The following ZC3H12D variants were observed in gnomAD, a reference collection of about 807,000 sequenced individuals.
The protein encoded by ZC3H12D is probable ribonuclease ZC3H12D.
ZC3H12D carries 11 observed loss-of-function variants against 24.2 expected under a neutral mutation model. The ratio of observed to expected loss-of-function variants is 0.46; its 90% confidence interval spans 0.29 to 0.75. The LOEUF is 0.75. ZC3H12D is among the 30% of genes least tolerant of loss of function. The pLI is 0.11. For missense variants in ZC3H12D, 740 were observed against 767.7 expected (o/e 0.96, Z 0.43); for synonymous variants, 333 against 341.8 (o/e 0.97, Z 0.28).
chr6:149,451,519 C>A (rs768499465), intron 5 of ZC3H12D, 40 bp from the exon 6 acceptor site: 7 of 1,506,742 alleles, frequency 4.6e-6, no homozygotes, highest in Non-Finnish European at 6.2e-6. Context: ...ACGTGAGGCC[C>A]GGGGGCGCGG....
rs1775982427 is a variant in ZC3H12D at position 149,456,562 on chromosome 6, G to C, written c.680+104C>G. On this transcript the variant is annotated intron_variant, in intron 4 of 5. Coordinates refer to ENST00000409806, the MANE Select transcript of ZC3H12D (RefSeq NM_207360.3). The surrounding 1 kb of genome is among the most constrained non-coding windows in gnomAD (Gnocchi z 4.3). ...CTCTGTCTGAGGGGCTGGGTGACCG[G>C]GTGACCCCAAGCTCCTCCACCTGGT... 6.0e-6 allele frequency: 6 copies of C among 996,312 alleles called. No individual in the cohort carries two copies. The South Asian group carries it at 9.3e-5, about 15-fold the overall frequency. The allele number at this position is 996,312 out of a possible 1,614,324, so 61.7% of individuals were successfully genotyped here.
At chr6:149,478,654 C>T (rs1776378448) in intron 1 of ZC3H12D, among the ~76,000 whole-genome samples, 1 of 152,108 alleles carries the variant, frequency 6.6e-6, no homozygotes, top group African/African-American at 2.4e-5. Context: ...ACAGGTATTT[C>T]CACATAGTTG....
intron 2 of ZC3H12D, among the ~76,000 whole-genome samples, chr6:149,470,212 TA>T (rs748899138): frequency 5.9e-5 from 9 of 151,918 alleles, no homozygotes; most frequent in Non-Finnish European, 1.3e-4. Flanking sequence ...TACAAAAAAT[TA>T]GCCAGGCATA....
chr6:149,452,752 G>T lies in ZC3H12D; in HGVS notation c.681-30C>A. The T allele has an allele frequency of 6.5e-7, 1 of 1,549,798 alleles. No individual in the cohort carries two copies. The highest frequency in any genetic ancestry group is 8.7e-7 in the Non-Finnish European group (1 of 1,147,038). ...AAAATAAGCACAGGGGCAACTGCAAGACCACCTGGGATTTGCCACCAGCAC... is the reference window on the plus strand; with the variant it reads ...AAAATAAGCACAGGGGCAACTGCAATACCACCTGGGATTTGCCACCAGCAC... On this transcript the variant is annotated intron_variant, in intron 4 of 5. Coordinates refer to ENST00000409806, the MANE Select transcript of ZC3H12D (RefSeq NM_207360.3). This position sits in a 1 kb window ranked among gnomAD's most constrained non-coding sequence, Gnocchi z 4.0.
At chr6:149,476,392 T>C (rs1019871684) in intron 1 of ZC3H12D, among the ~76,000 whole-genome samples, 2 of 152,056 alleles carry the variant, frequency 1.3e-5, no homozygotes, top group African/African-American at 2.4e-5. Flanking sequence ...TAATCTCAGC[T>C]ACTTGGGAGG....
chr6:149,456,623 G>GGGGGGAGGGCC lies in ZC3H12D; in HGVS notation c.680+42_680+43insGGCCCTCCCCC. The GGGGGGAGGGCC allele has an allele frequency of 5.4e-6, 4 of 744,562 alleles. No homozygotes were observed. Among genetic ancestry groups the GGGGGGAGGGCC allele is most frequent in the Non-Finnish European group, 8.8e-6 (4 of 456,086 alleles). The allele number at this position is 744,562 out of a possible 1,614,324, so 46.1% of individuals were successfully genotyped here. ...GCCACTGCCTCGACCCCGGCCCCCC[G>GGGGGGAGGGCC]CCCCGCCGCCCCCCAGGGTGTCAGG... On this transcript the variant is annotated intron_variant, in intron 4 of 5. Coordinates refer to ENST00000409806, the MANE Select transcript of ZC3H12D (RefSeq NM_207360.3). The surrounding 1 kb of genome is among the most constrained non-coding windows in gnomAD (Gnocchi z 4.3).
intron 1 of ZC3H12D, among the ~76,000 whole-genome samples, chr6:149,478,115 C>T (rs947385068): frequency 3.4e-5 from 5 of 148,054 alleles, no homozygotes; most frequent in African/African-American, 2.5e-5. Context: ...TGTGGTAAGC[C>T]GGGATCATGC....
chr6:149,479,196 C>T (rs1039294572), intron 1 of ZC3H12D, among the ~76,000 whole-genome samples: 5 of 152,062 alleles, frequency 3.3e-5, no homozygotes, highest in South Asian at 2.1e-4. Flanking sequence ...CCCATCTCTA[C>T]AAAAAATGTT....
intron 1 of ZC3H12D, among the ~76,000 whole-genome samples, chr6:149,480,433 A>C (rs1275213774): frequency 6.6e-6 from 1 of 152,242 alleles, no homozygotes; most frequent in African/African-American, 2.4e-5. Flanking sequence ...GTGGGAGTGA[A>C]ACACGGAGTA....
chr6:149,468,018 G>T (rs998113631), intron 2 of ZC3H12D, among the ~76,000 whole-genome samples: 1 of 152,260 alleles, frequency 6.6e-6, no homozygotes, highest in Non-Finnish European at 1.5e-5. Context: ...TTTTGTTCTT[G>T]TTGCCCAGAC....
Position 149,452,765 on chromosome 6 carries a change from T to C in ZC3H12D, c.681-43A>G. The C allele has an allele frequency of 6.6e-7, 1 of 1,525,344 alleles. No homozygotes were observed. The highest frequency in any genetic ancestry group is 8.9e-7 in the Non-Finnish European group (1 of 1,129,362). 94.5% of individuals were successfully genotyped at this position (1,525,344 alleles called of 1,614,324 possible). A position where few individuals can be genotyped will look rare whatever the true frequency, so the allele number is the denominator to read the frequency against. On this transcript the variant is annotated intron_variant, in intron 4 of 5. Coordinates refer to ENST00000409806, the MANE Select transcript of ZC3H12D (RefSeq NM_207360.3). This position sits in a 1 kb window ranked among gnomAD's most constrained non-coding sequence, Gnocchi z 4.0. ...GGGCAACTGCAAGACCACCTGGGAT[T>C]TGCCACCAGCACCTGTACAAAGGGA...
chr6:149,464,883 G>C (rs1370400414), intron 2 of ZC3H12D, among the ~76,000 whole-genome samples: 4 of 152,104 alleles, frequency 2.6e-5, no homozygotes, highest in Non-Finnish European at 5.9e-5. Context: ...TAAAGGGAGG[G>C]GCAAGGATAA....
In ZC3H12D at chr6:149,474,231, G is replaced by GA; in HGVS notation, c.305+7dup. On this transcript the variant is annotated splice_region_variant and intron_variant, in intron 2 of 5. Coordinates refer to ENST00000409806, the MANE Select transcript of ZC3H12D (RefSeq NM_207360.3). Reference sequence around the variant, plus strand: ...CCCAGCCCCAGCTACAGGATGAAGGGAAGCTACCTCATCGCCACGTTGCTG... The same window carrying GA: ...CCCAGCCCCAGCTACAGGATGAAGGGAAAGCTACCTCATCGCCACGTTGCTG... 2.0e-6 allele frequency: 3 copies of GA among 1,475,160 alleles called. No individual in the cohort carries two copies. Among genetic ancestry groups the GA allele is most frequent in the Non-Finnish European group, 2.7e-6 (3 of 1,103,870 alleles). The allele number at this position is 1,475,160 out of a possible 1,614,324, so 91.4% of individuals were successfully genotyped here.
At chr6:149,453,485 G>A (rs957724411) in intron 4 of ZC3H12D, among the ~76,000 whole-genome samples, 1 of 151,768 alleles carries the variant, frequency 6.6e-6, no homozygotes, top group Non-Finnish European at 1.5e-5. Flanking sequence ...AAAATTAGCT[G>A]GGCATGGTGG....
Position 149,473,204 on chromosome 6 carries a change from G to A in ZC3H12D, c.305+1035C>T, listed in dbSNP as rs1246748237. Among the ~76,000 whole-genome samples the A allele has an allele frequency of 5.3e-5, 8 of 151,570 alleles. No individual in the cohort carries two copies. The South Asian group carries it at 1.3e-3, about 24-fold the overall frequency. ...GACAGCCCCTGAGGCTGGACCATCT[G>A]GGCTGAACCATTGCAAACCTCGGTC... is the stretch of plus-strand genomic sequence containing the variant. On this transcript the variant is annotated intron_variant, in intron 2 of 5. Transcript: ENST00000409806.
At position 149,461,938 on chromosome 6, in the gene ZC3H12D, C is replaced by A; in HGVS notation, c.338G>T (p.Gly113Val). Residue 113 changes from glycine to valine, a missense_variant, in exon 3 of 6, where the codon GGA (glycine) becomes GTA (valine). Transcript: ENST00000409806. ...HGNKETFSCR[G>V]IKLAVDWFRD... ...GAACCAGTCAACAGCCAGCTTGATT[C>A]CCCGGCAAGAGAAGGTTTCTTTATT... 1.2e-6 allele frequency: 2 copies of A among 1,612,072 alleles called. 1 individual carries two copies. Among genetic ancestry groups the A allele is most frequent in the South Asian group, 2.2e-5 (2 of 90,358 alleles).
Position 149,450,771 on chromosome 6 carries a change from G to A in ZC3H12D, c.1496C>T (p.Ala499Val). Residue 499 changes from alanine to valine, a missense_variant, in exon 6 of 6, where the codon GCC (alanine) becomes GTC (valine). Transcript: ENST00000409806. ...FPRDQVDRVM[A>V]AFPELSDLAR... ...GAGGTCTGAGAGCTCCGGGAACGCG[G>A]CCATCACGCGGTCCACCTGGTCACG... is the stretch of plus-strand genomic sequence containing the variant. 6.5e-7 allele frequency: 1 copy of A among 1,549,208 alleles called. No homozygotes were observed. The highest frequency in any genetic ancestry group is 1.4e-5 in the African/African-American group (1 of 73,176).
rs1469847045 is a variant in ZC3H12D at position 149,449,815 on chromosome 6, A to G, written c.*868T>C. ...GCTCAGCTGGTACAGTAGAAAGCCT[A>G]TTCTGGAAACTGCCATGATGGATGG... is the stretch of plus-strand genomic sequence containing the variant. On this transcript the variant is annotated 3_prime_UTR_variant, in exon 6 of 6. Transcript: ENST00000409806. The G allele has an allele frequency of 6.6e-6, 1 of 152,242 alleles. No homozygotes were observed. Among genetic ancestry groups the G allele is most frequent in the Non-Finnish European group, 1.5e-5 (1 of 68,066 alleles). 9.4% of individuals were successfully genotyped at this position (152,242 alleles called of 1,614,324 possible). A position where few individuals can be genotyped will look rare whatever the true frequency, so the allele number is the denominator to read the frequency against.
At chr6:149,455,598 C>T (rs1016154473) in intron 4 of ZC3H12D, among the ~76,000 whole-genome samples, 1 of 152,160 alleles carries the variant, frequency 6.6e-6, no homozygotes, top group Non-Finnish European at 1.5e-5. Flanking sequence ...GCCCTGTGTC[C>T]CTCTCTGCCT....
Sources: allele counts gnomAD v4.1 joint callset (sites outside exome capture counted in the v4.1 genomes callset), GRCh38; gene constraint gnomAD v4.1.1; non-coding constraint Gnocchi (gnomAD v3.1); transcripts MANE v1.5; gene names NCBI Gene and HGNC (gene_info 2026-07-23, HGNC 2026-07-21).